The following IGSF21 variants were observed in gnomAD, a reference collection of about 807,000 sequenced individuals.
The protein encoded by IGSF21 is immunoglobin superfamily member 21, also known as immunoglobulin superfamily member 21.
A neutral mutation model predicts 46.8 loss-of-function variants in IGSF21; 28 were observed. The observed-to-expected ratio is 0.60, with a 90% CI of 0.44 to 0.82. The LOEUF (loss-of-function observed/expected upper bound fraction) is 0.82, where lower values mean the gene tolerates loss of function less well. IGSF21 is among the 40% of genes least tolerant of loss of function. The probability of loss-of-function intolerance (pLI) is 0.00; values close to 1 mark genes in which losing one functional copy is unlikely to be tolerated. For missense variants in IGSF21, 624 were observed against 665.5 expected, an observed-to-expected ratio of 0.94 and a Z score of 0.69; for synonymous variants, 284 against 273.6, an observed-to-expected ratio of 1.04 and a Z score of -0.38.
chr1:18,300,747 G>A (rs1332087865), intron 3 of IGSF21, among the ~76,000 whole-genome samples: 1 of 152,190 alleles, frequency 6.6e-6, no homozygotes, highest in African/African-American at 2.4e-5. Context: ...CCCAGAGATA[G>A]AGTGTGCGCA....
chr1:18,244,757 G>T (rs1296578412), intron 2 of IGSF21, among the ~76,000 whole-genome samples: 7 of 152,082 alleles, frequency 4.6e-5, no homozygotes, highest in Non-Finnish European at 1.0e-4. Context: ...AGTGCTAATA[G>T]ATTTTTTTTA....
chr1:18,240,062 G>T (rs571300735), intron 2 of IGSF21, among the ~76,000 whole-genome samples: 1 of 152,282 alleles, frequency 6.6e-6, no homozygotes, highest in South Asian at 2.1e-4. Flanking sequence ...TAGATCGCTT[G>T]ACCCCAGAAG....
chr1:18,171,979 G>A (rs2086741415), intron 1 of IGSF21, among the ~76,000 whole-genome samples: 1 of 152,144 alleles, frequency 6.6e-6, no homozygotes, highest in Non-Finnish European at 1.5e-5. Context: ...AGAGGTACCT[G>A]GGAAGAAATA....
chr1:18,294,203 G>A (rs1454593026), intron 3 of IGSF21, among the ~76,000 whole-genome samples: 1 of 152,156 alleles, frequency 6.6e-6, no homozygotes, highest in Non-Finnish European at 1.5e-5. Context: ...GACCTCCAAA[G>A]TAACATGACA....
At position 18,335,251 on chromosome 1, in the gene IGSF21, G is replaced by A. The variant is rs368646718; in HGVS notation, c.424+241G>A. 1.3e-4 allele frequency among the ~76,000 whole-genome samples: 20 copies of A among 152,282 alleles called. No individual in the cohort carries two copies. The highest frequency in any genetic ancestry group is 1.0e-3 in the South Asian group (5 of 4,830). On this transcript the variant is annotated intron_variant, in intron 4 of 9. Coordinates refer to ENST00000251296, the MANE Select transcript of IGSF21 (RefSeq NM_032880.5). This position sits in a 1 kb window ranked among gnomAD's most constrained non-coding sequence, Gnocchi z 4.8. ...TCAGGAGGTCCCCTTCTCAGCACAG[G>A]TACCCCAACAGGACCCTCCCCAGGG...
At chr1:18,211,231 C>A (rs1048075088) in intron 1 of IGSF21, among the ~76,000 whole-genome samples, 1 of 152,180 alleles carries the variant, frequency 6.6e-6, no homozygotes, top group Non-Finnish European at 1.5e-5. Flanking sequence ...CTGGGCCAGT[C>A]GGGCTGTTGC....
At chr1:18,358,051 G>T (rs2086040650) in intron 4 of IGSF21, among the ~76,000 whole-genome samples, 1 of 151,884 alleles carries the variant, frequency 6.6e-6, no homozygotes, top group Admixed American at 6.6e-5. Context: ...GAGAGAGTGT[G>T]TGTGTGTGTG....
chr1:18,202,367 T>C (rs781425039), intron 1 of IGSF21, among the ~76,000 whole-genome samples: 4 of 152,198 alleles, frequency 2.6e-5, no homozygotes, highest in African/African-American at 4.8e-5. Context: ...ACCACCTTCA[T>C]TACTTTTGGG....
At chr1:18,168,662 A>C (rs1357487106) in intron 1 of IGSF21, among the ~76,000 whole-genome samples, 1 of 152,246 alleles carries the variant, frequency 6.6e-6, no homozygotes, top group Non-Finnish European at 1.5e-5. Context: ...GGATGGAAGA[A>C]GAAAGGAATC....
intron 4 of IGSF21, 175 bp from the exon 5 acceptor site, chr1:18,361,940 C>A: frequency 1.7e-6 from 1 of 589,140 alleles, no homozygotes; most frequent in South Asian, 2.1e-5. Flanking sequence ...ATATTCCCAG[C>A]AAGGACGTGT....
rs1163229785 is a variant in IGSF21 at position 18,376,300 on chromosome 1, C to T, written c.1016-10C>T. On this transcript the variant is annotated splice_polypyrimidine_tract_variant and intron_variant, in intron 6 of 9. Transcript: ENST00000251296. ...TTACTCTCTCTGACCTGGCCTTTCT[C>T]TCCCTACAGTTGCCCCCAAAGGACC... is the stretch of plus-strand genomic sequence containing the variant. The T allele has an allele frequency of 3.7e-6, 6 of 1,602,538 alleles. No individual in the cohort carries two copies. The South Asian group carries it at 6.6e-5, about 18-fold the overall frequency.
intron 1 of IGSF21, among the ~76,000 whole-genome samples, chr1:18,223,231 G>A (rs751746645): frequency 3.9e-5 from 6 of 152,246 alleles, no homozygotes; most frequent in Non-Finnish European, 8.8e-5. Flanking sequence ...CATTCAGTGT[G>A]TAATTCTGGG....
rs1174366701 is a variant in IGSF21, at chr1:18,322,503, C to T, written c.306-12389C>T. On this transcript the variant is annotated intron_variant, in intron 3 of 9. Coordinates refer to ENST00000251296, the MANE Select transcript of IGSF21 (RefSeq NM_032880.5). The surrounding 1 kb of genome is among the most constrained non-coding windows in gnomAD (Gnocchi z 4.3). ...ATCACGAACGATAGGAAGGAGGCGG[C>T]GAGCTCAGCCACGGGCCCAGCCTTC... 2.0e-5 allele frequency among the ~76,000 whole-genome samples: 3 copies of T among 152,118 alleles called. No homozygotes were observed. The highest frequency in any genetic ancestry group is 1.9e-4 in the East Asian group (1 of 5,178).
At chr1:18,225,079 T>A (rs570610048) in intron 1 of IGSF21, among the ~76,000 whole-genome samples, 731 of 33,326 alleles carry the variant, frequency 0.022, 13 homozygotes, top group African/African-American at 0.038. Context: ...TCTCTCTCTC[T>A]CTCTCTCACA....
intron 3 of IGSF21, among the ~76,000 whole-genome samples, chr1:18,320,521 G>C (rs556167408): frequency 6.6e-6 from 1 of 152,270 alleles, no homozygotes; most frequent in African/African-American, 2.4e-5. Context: ...TTTGGCCCCG[G>C]GTCATCCATC....
At chr1:18,151,508 C>G (rs56255918) in intron 1 of IGSF21, among the ~76,000 whole-genome samples, 45,305 of 152,068 alleles carry the variant, frequency 0.3, 7,368 homozygotes, top group East Asian at 0.51. Flanking sequence ...TGGCATATAC[C>G]ATCGACATCC....
intron 5 of IGSF21, among the ~76,000 whole-genome samples, chr1:18,362,891 C>T (rs1480217673): frequency 6.6e-6 from 1 of 152,054 alleles, no homozygotes. Flanking sequence ...GGGTCCTGGC[C>T]CTGCTGTACT....
intron 1 of IGSF21, among the ~76,000 whole-genome samples, chr1:18,148,014 C>T (rs1321913646): frequency 1.3e-5 from 2 of 152,088 alleles, no homozygotes; most frequent in Non-Finnish European, 2.9e-5. Flanking sequence ...CCATGTAAGA[C>T]ATCTCTTTGC....
intron 1 of IGSF21, chr1:18,112,731 C>G (rs1208973215): frequency 2.6e-5 from 4 of 152,302 alleles, no homozygotes; most frequent in African/African-American, 4.8e-5. Context: ...CAAACCCACA[C>G]TGAAATAGAA....
Sources: allele counts gnomAD v4.1 joint callset (sites outside exome capture counted in the v4.1 genomes callset), GRCh38; gene constraint gnomAD v4.1.1; non-coding constraint Gnocchi (gnomAD v3.1); transcripts MANE v1.5; gene names NCBI Gene and HGNC (gene_info 2026-07-23, HGNC 2026-07-21).